DNASE1: variants seen among roughly 807,000 people sequenced by gnomAD.
DNASE1 encodes deoxyribonuclease-1.
DNASE1 carries 40 observed loss-of-function variants against 33.9 expected under a neutral mutation model. That is an observed-to-expected ratio of 1.18 (90% CI 0.92 to 1.54). The LOEUF (loss-of-function observed/expected upper bound fraction) is 1.54. Among genes scored for constraint, DNASE1 ranks in the 40% most tolerant of loss-of-function variants. The probability of loss-of-function intolerance (pLI) is 0.00; values close to 1 mark genes in which losing one functional copy is unlikely to be tolerated. For synonymous variants in DNASE1, 216 were observed against 160.0 expected, an observed-to-expected ratio of 1.35 and a Z score of -2.64; for missense variants, 518 against 372.6, an observed-to-expected ratio of 1.39 and a Z score of -3.21.
chr16:3,650,176 T>C (rs914890960), upstream of DNASE1, among the ~76,000 whole-genome samples: 3 of 152,248 alleles, frequency 2.0e-5, no homozygotes, highest in African/African-American at 7.2e-5. Context: ...GTATGTCCTT[T>C]TAGATTTTAC....
chr16:3,663,723 C>A (rs2050749678), exon 10 of DNASE1: 3 of 820,056 alleles, frequency 3.7e-6, no homozygotes, highest in East Asian at 2.7e-5. Flanking sequence ...TACTACGACA[C>A]CTGGGTCTAA....
At chr16:3,663,600 G>T in exon 10 of DNASE1, 1 of 1,610,966 alleles carries the variant, frequency 6.2e-7, no homozygotes, top group African/African-American at 1.3e-5. Context: ...AGACCCCGGG[G>T]GCCTCCAGCC....
At chr16:3,644,592 G>T (rs2379221) in intron 1 of DNASE1, among the ~76,000 whole-genome samples, 1 of 151,842 alleles carries the variant, frequency 6.6e-6, no homozygotes, top group Non-Finnish European at 1.5e-5. Flanking sequence ...AAAATTAGCC[G>T]GGGATGGTGG....
At chr16:3,658,882 A>C, downstream of DNASE1, 2 of 1,613,820 alleles carry the variant, frequency 1.2e-6, no homozygotes, top group Non-Finnish European at 1.7e-6. Context: ...CACAGAACCC[A>C]CCAGAAAAAG....
At chr16:3,619,583 T>C (rs1327166685) in intron 1 of DNASE1, among the ~76,000 whole-genome samples, 1 of 148,030 alleles carries the variant, frequency 6.8e-6, no homozygotes, top group Non-Finnish European at 1.5e-5. Context: ...GGATGGTCTC[T>C]ATCTGCGGAC....
At chr16:3,640,531 A>G (rs1596605460), upstream of DNASE1, among the ~76,000 whole-genome samples, 2 of 152,166 alleles carry the variant, frequency 1.3e-5, no homozygotes, top group South Asian at 4.1e-4. Context: ...TTTTCCACCA[A>G]CTGAAGGCAA....
downstream of DNASE1, chr16:3,662,235 G>GC: frequency 6.9e-7 from 1 of 1,439,226 alleles, no homozygotes; most frequent in Non-Finnish European, 9.4e-7. Flanking sequence ...GAGGTAGCAG[G>GC]CGGGGTCTCA....
At chr16:3,652,586 T>C (rs2042371541), upstream of DNASE1, 1 of 151,640 alleles carries the variant, frequency 6.6e-6, no homozygotes. Flanking sequence ...GCCTGAGGAG[T>C]GGTGGTGTTT....
chr16:3,633,390 T>A (rs1712752569), intron 1 of DNASE1, among the ~76,000 whole-genome samples: 1 of 152,170 alleles, frequency 6.6e-6, no homozygotes, highest in African/African-American at 2.4e-5. Context: ...GTGGATCACC[T>A]GAGGTCAGGA....
intron 1 of DNASE1, among the ~76,000 whole-genome samples, chr16:3,619,791 G>A (rs566045446): frequency 2.6e-5 from 4 of 151,566 alleles, no homozygotes; most frequent in Non-Finnish European, 4.4e-5. Flanking sequence ...GATTATAGGT[G>A]TGAGCCACCA....
At chr16:3,662,714 C>G (rs964130697), downstream of DNASE1, 1 of 714,600 alleles carries the variant, frequency 1.4e-6, no homozygotes, top group African/African-American at 1.7e-5. Context: ...CAGCGGCACT[C>G]CCGAGCAACA....
intron 1 of DNASE1, among the ~76,000 whole-genome samples, chr16:3,631,588 G>T (rs944144394): frequency 6.6e-6 from 1 of 151,908 alleles, no homozygotes; most frequent in Admixed American, 6.6e-5. Context: ...GCAGTGGCAT[G>T]ATCTCAGGTC....
upstream of DNASE1, among the ~76,000 whole-genome samples, chr16:3,639,812 A>G (rs2041980428): frequency 6.6e-6 from 1 of 152,192 alleles, no homozygotes; most frequent in Non-Finnish European, 1.5e-5. Flanking sequence ...CTGTAATCCC[A>G]GCACTTTGGG....
chr16:3,641,894 C>T (rs745445257), upstream of DNASE1, among the ~76,000 whole-genome samples: 1 of 152,222 alleles, frequency 6.6e-6, no homozygotes, highest in Non-Finnish European at 1.5e-5. Context: ...CTGGGGAGAA[C>T]TGTGGAACCA....
At chr16:3,613,454 G>A (rs574201693) in intron 1 of DNASE1, among the ~76,000 whole-genome samples, 1 of 152,290 alleles carries the variant, frequency 6.6e-6, no homozygotes, top group African/African-American at 2.4e-5. Context: ...ACAAGTTTTT[G>A]TGTTCTAGGA....
At chr16:3,658,130 C>A (rs767766149), downstream of DNASE1, 2 of 1,613,784 alleles carry the variant, frequency 1.2e-6, no homozygotes, top group African/African-American at 2.7e-5. Context: ...CCCTGGCTGT[C>A]AGTGTCGCTC....
At chr16:3,640,538 G>C (rs1237275219), upstream of DNASE1, among the ~76,000 whole-genome samples, 1 of 152,158 alleles carries the variant, frequency 6.6e-6, no homozygotes. Flanking sequence ...CCAACTGAAG[G>C]CAAAAGTATG....
At chr16:3,662,472 C>T, downstream of DNASE1, 1 of 518,266 alleles carries the variant, frequency 1.9e-6, no homozygotes, top group Non-Finnish European at 3.5e-6. Context: ...ATTTCTCACT[C>T]TGAGCTAGAC....
At chr16:3,661,829 A>C, downstream of DNASE1, 1 of 952,308 alleles carries the variant, frequency 1.1e-6, no homozygotes, top group Non-Finnish European at 1.4e-6. Flanking sequence ...TCCATTTCAC[A>C]TGGGTGCAGC....
Sources: gnomAD v4.1 joint callset for allele counts (sites outside exome capture counted in the v4.1 genomes callset) on GRCh38, gnomAD v4.1.1 for gene constraint, MANE v1.5 for transcripts, NCBI Gene and HGNC (gene_info 2026-07-23, HGNC 2026-07-21) for gene names.